DENND2C: variants seen among roughly 807,000 people sequenced by gnomAD.
DENND2C encodes the protein DENN domain containing 2C.
A neutral mutation model predicts 112.4 loss-of-function variants in DENND2C; 72 were observed. That is an observed-to-expected ratio of 0.64 (90% CI 0.53 to 0.78). The LOEUF is 0.78. Ranked by LOEUF, DENND2C falls within the 30% of genes least tolerant of loss-of-function variation. The pLI is 0.00. For synonymous variants in DENND2C, 329 were observed against 381.6 expected (o/e 0.86, Z 1.61); for missense variants, 992 against 1,113.8 (o/e 0.89, Z 1.56).
chr1:114,601,541 A>G lies in DENND2C; in HGVS notation c.1782T>C (p.Val594=), dbSNP rs1655504835. ...GKRLPEVYCM[V]SRLGCFNLFS... ...AAAGATTGAAGCAGCCTAGGCGACT[A>G]ACCATGCAGTATACCTCAGGGAGTC... Residue 594 remains valine, a synonymous_variant, in exon 13 of 21, where the codon GTT becomes GTC. Transcript: ENST00000393274. The G allele has an allele frequency of 6.2e-7, 1 of 1,613,588 alleles. No individual in the cohort carries two copies. Among genetic ancestry groups the G allele is most frequent in the African/African-American group, 1.3e-5 (1 of 75,040 alleles).
At chr1:114,601,814 A>G (rs1655512352) in intron 12 of DENND2C, among the ~76,000 whole-genome samples, 1 of 152,214 alleles carries the variant, frequency 6.6e-6, no homozygotes, top group African/African-American at 2.4e-5. Context: ...ATGGTTGGTG[A>G]GTAACTCAGA....
Position 114,583,469 on chromosome 1 carries a change from C to A in DENND2C, c.*2131G>T, listed in dbSNP as rs1285401634. 6.7e-6 allele frequency: 1 copy of A among 149,568 alleles called. No individual in the cohort carries two copies. The highest frequency in any genetic ancestry group is 1.5e-5 in the Non-Finnish European group (1 of 67,470). The allele number at this position is 149,568 out of a possible 1,614,324, so 9.3% of individuals were successfully genotyped here. A position where few individuals can be genotyped will look rare whatever the true frequency, so the allele number is the denominator to read the frequency against. On this transcript the variant is annotated 3_prime_UTR_variant, in exon 21 of 21. Transcript: ENST00000393274. ...ATCAATGAAAAGTGCACCATCTGAACTTGAATTTGCCCATGAGTTTGAAAA... is the reference window on the plus strand; with the variant it reads ...ATCAATGAAAAGTGCACCATCTGAAATTGAATTTGCCCATGAGTTTGAAAA...
chr1:114,611,855 T>C (rs1402977038), intron 8 of DENND2C, among the ~76,000 whole-genome samples: 1 of 151,412 alleles, frequency 6.6e-6, no homozygotes, highest in Non-Finnish European at 1.5e-5. Flanking sequence ...AGATTAAGTT[T>C]GAAAAGTTAA....
rs57202953 is a variant in DENND2C at position 114,651,276 on chromosome 1, T to TACACACACACACACACACAC, written c.-317+3209_-317+3228dup. ...AACACAGTGAGACCTTCCCTACACA[T>TACACACACACACACACACAC]ACACACACACACACACACACACACA... On this transcript the variant is annotated intron_variant, in intron 2 of 20. Transcript: ENST00000393274. 1.5e-3 allele frequency among the ~76,000 whole-genome samples: 209 copies of TACACACACACACACACACAC among 139,352 alleles called. 2 individuals carry two copies. The highest frequency in any genetic ancestry group is 3.3e-3 in the African/African-American group (122 of 36,650). 91.4% of individuals were successfully genotyped at this position (139,352 alleles called of 152,430 possible). A position where few individuals can be genotyped will look rare whatever the true frequency, so the allele number is the denominator to read the frequency against.
intron 10 of DENND2C, among the ~76,000 whole-genome samples, chr1:114,605,381 A>C (rs1484453483): frequency 6.6e-6 from 1 of 152,240 alleles, no homozygotes; most frequent in African/African-American, 2.4e-5. Context: ...CAGTATTTTT[A>C]TGAACCGTGG....
intron 1 of DENND2C, among the ~76,000 whole-genome samples, chr1:114,667,731 C>A (rs187375949): frequency 6.6e-6 from 1 of 152,130 alleles, no homozygotes; most frequent in African/African-American, 2.4e-5. Context: ...TTGTATCTCA[C>A]TCACAGAATT....
In DENND2C at chr1:114,589,195, T is replaced by C. The variant is rs142959813; in HGVS notation, c.2432-1243A>G. 2.1e-3 allele frequency among the ~76,000 whole-genome samples: 322 copies of C among 152,312 alleles called. 2 individuals carry two copies. Among genetic ancestry groups the C allele is most frequent in the African/African-American group, 7.1e-3 (297 of 41,586 alleles). On this transcript the variant is annotated intron_variant, in intron 18 of 20. Coordinates refer to ENST00000393274, the MANE Select transcript of DENND2C (RefSeq NM_001256404.2). ...AGATTCGACTTACACTCCCTCTTTTTCTTCCATATCCAAATCGTCTTTTTC... is the reference window on the plus strand; with the variant it reads ...AGATTCGACTTACACTCCCTCTTTTCCTTCCATATCCAAATCGTCTTTTTC...
At chr1:114,607,323 G>A (rs929637780) in intron 10 of DENND2C, among the ~76,000 whole-genome samples, 1 of 152,164 alleles carries the variant, frequency 6.6e-6, no homozygotes, top group Non-Finnish European at 1.5e-5. Flanking sequence ...CCTACACGCA[G>A]GGCCCTTCTG....
At chr1:114,642,748 C>G (rs1434969954) in intron 3 of DENND2C, among the ~76,000 whole-genome samples, 1 of 152,054 alleles carries the variant, frequency 6.6e-6, no homozygotes, top group Non-Finnish European at 1.5e-5. Flanking sequence ...ACAACAGATA[C>G]AGATATTTAT....
intron 9 of DENND2C, among the ~76,000 whole-genome samples, chr1:114,609,935 C>T (rs1454060765): frequency 6.6e-6 from 1 of 152,136 alleles, no homozygotes; most frequent in South Asian, 2.1e-4. Flanking sequence ...GTAGTAACAG[C>T]CCTAAATTAG....
intron 7 of DENND2C, among the ~76,000 whole-genome samples, chr1:114,619,460 T>C (rs1380581662): frequency 6.6e-6 from 1 of 152,190 alleles, no homozygotes; most frequent in Non-Finnish European, 1.5e-5. Context: ...CTTGTTTCTC[T>C]AGCCATCCTG....
chr1:114,596,951 C>T (rs1267107732), intron 16 of DENND2C, among the ~76,000 whole-genome samples: 1 of 151,280 alleles, frequency 6.6e-6, no homozygotes, highest in Admixed American at 6.6e-5. Context: ...AATGAAAGGC[C>T]CAAGAGATGA....
intron 1 of DENND2C, among the ~76,000 whole-genome samples, chr1:114,669,736 A>C (rs1040513566): frequency 2.6e-5 from 4 of 151,954 alleles, no homozygotes; most frequent in African/African-American, 7.2e-5. Context: ...GCTCCGCCAC[A>C]ACCCGTGCGG....
At chr1:114,593,645 T>A (rs1007459952) in intron 18 of DENND2C, among the ~76,000 whole-genome samples, 1 of 151,818 alleles carries the variant, frequency 6.6e-6, no homozygotes, top group Non-Finnish European at 1.5e-5. Flanking sequence ...ATTAGCTAGG[T>A]GTGGTGGTGC....
In DENND2C at chr1:114,622,181, A is replaced by G. The variant is rs113796865; in HGVS notation, c.1057-116T>C. On this transcript the variant is annotated intron_variant, in intron 6 of 20. Transcript: ENST00000393274. ...CAGGCTGGAATGCAGTGGCACGATC[A>G]TGGCTCATTGCAGCCTTGATCTCCT... The G allele has an allele frequency of 2.9e-4, 319 of 1,081,448 alleles. No individual in the cohort carries two copies. In the African/African-American group the frequency reaches 4.4e-3, roughly 15 times the overall value. 67.0% of individuals were successfully genotyped at this position (1,081,448 alleles called of 1,614,324 possible).
chr1:114,627,207 C>G (rs1656366877), intron 3 of DENND2C, among the ~76,000 whole-genome samples: 1 of 152,208 alleles, frequency 6.6e-6, no homozygotes, highest in South Asian at 2.1e-4. Context: ...AGGCTTCATT[C>G]AGGCCCATAA....
intron 3 of DENND2C, among the ~76,000 whole-genome samples, chr1:114,641,961 A>ATT (rs1383182430): frequency 1.3e-5 from 2 of 151,964 alleles, no homozygotes; most frequent in African/African-American, 4.8e-5. Flanking sequence ...GTATATATAT[A>ATT]TATTTTTTTG....
chr1:114,604,774 T>C (rs866605894), intron 11 of DENND2C, 148 bp downstream of exon 11: 3 of 610,832 alleles, frequency 4.9e-6, no homozygotes, highest in Middle Eastern at 7.4e-4. Flanking sequence ...GGAAATGTTC[T>C]AGTTCTGCTT....
At chr1:114,647,113 G>A (rs997451465) in intron 2 of DENND2C, among the ~76,000 whole-genome samples, 5 of 150,258 alleles carry the variant, frequency 3.3e-5, no homozygotes, top group African/African-American at 7.4e-5. Context: ...AGTGGGCCAA[G>A]ATTGCACCAC....
Sources: gnomAD v4.1 joint callset for allele counts (sites outside exome capture counted in the v4.1 genomes callset) on GRCh38, gnomAD v4.1.1 for gene constraint, MANE v1.5 for transcripts, NCBI Gene and HGNC (gene_info 2026-07-23, HGNC 2026-07-21) for gene names.